MAPT: variants seen among roughly 807,000 people sequenced by gnomAD.
MAPT encodes the protein microtubule-associated protein tau.
In MAPT, 34 loss-of-function variants were observed where a neutral mutation model predicts 67.9. The observed-to-expected ratio is 0.50, with a 90% CI of 0.38 to 0.67. The LOEUF (loss-of-function observed/expected upper bound fraction) is 0.67. Ranked by LOEUF, MAPT falls within the 30% of genes least tolerant of loss-of-function variation. MAPT has a pLI of 0.00. For synonymous variants in MAPT, 456 were observed against 464.5 expected, an observed-to-expected ratio of 0.98 and a Z score of 0.23; for missense variants, 881 against 1,115.2, an observed-to-expected ratio of 0.79 and a Z score of 2.99.
rs1479030921 is a variant in MAPT at position 45,946,616 on chromosome 17, ATAT to A, written c.-17-15704_-17-15702del. On this transcript the variant is annotated intron_variant, in intron 1 of 12. Coordinates refer to ENST00000262410, the MANE Select transcript of MAPT (RefSeq NM_001377265.1). ...TCTGTCTTAAAAAAAAAAAAAAAAA[ATAT>A]ATATATATATATATATATATGTCAA... Among the ~76,000 whole-genome samples the A allele has an allele frequency of 9.0e-3, 780 of 86,956 alleles. 9 individuals carry two copies. Among genetic ancestry groups the A allele is most frequent in the East Asian group, 0.032 (137 of 4,226 alleles). The allele number at this position is 86,956 out of a possible 152,430, so 57.0% of individuals were successfully genotyped here.
intron 1 of MAPT, among the ~76,000 whole-genome samples, chr17:45,928,072 C>G (rs2066523327): frequency 6.6e-6 from 1 of 150,968 alleles, no homozygotes. Context: ...CAACATGTCC[C>G]TGTTACTGGA....
intron 12 of MAPT, 110 bp downstream of exon 12, chr17:46,018,840 T>C (rs2076348728): frequency 2.5e-6 from 2 of 806,470 alleles, no homozygotes; most frequent in Admixed American, 2.0e-5. Context: ...GAGGCTTCTG[T>C]GTTGACTGGC....
At position 45,990,187 on chromosome 17, in the gene MAPT, A is replaced by G. The variant is rs967973167; in HGVS notation, c.1605+112A>G. 33 of 953,710 alleles carry G rather than the reference A, an allele frequency of 3.5e-5. No individual in the cohort carries two copies. The Middle Eastern group carries it at 1.5e-3, about 44-fold the overall frequency. 59.1% of individuals were successfully genotyped at this position (953,710 alleles called of 1,614,324 possible). ...GACCTTTCTTCAAATGAGTTCTGGC[A>G]TAGAAGCACCGTGTAAAATAGTTAG... is the stretch of plus-strand genomic sequence containing the variant. On this transcript the variant is annotated intron_variant, in intron 7 of 12. Transcript: ENST00000262410.
At chr17:45,975,263 C>G (rs1333693003) in intron 3 of MAPT, 1 of 152,300 alleles carries the variant, frequency 6.6e-6, no homozygotes, top group Non-Finnish European at 1.5e-5. Flanking sequence ...GAGGCCTAGC[C>G]AGGATTTCAC....
intron 6 of MAPT, among the ~76,000 whole-genome samples, chr17:45,988,247 A>G (rs2073760689): frequency 6.6e-6 from 1 of 152,194 alleles, no homozygotes; most frequent in Non-Finnish European, 1.5e-5. Context: ...GGCCGCTTCC[A>G]TGGGGAATTG....
At chr17:45,941,189 G>T (rs893709403) in intron 1 of MAPT, among the ~76,000 whole-genome samples, 6 of 152,170 alleles carry the variant, frequency 3.9e-5, no homozygotes, top group Non-Finnish European at 7.4e-5. Flanking sequence ...TCTATTTTTA[G>T]ATTAGCAAAA....
Position 45,915,506 on chromosome 17 carries a change from A to G in MAPT, c.-18+20820A>G, listed in dbSNP as rs369189217. ...TGTGATATGTGTGTGGTGTGTGAGC[A>G]TGTGTGTGTGATGTGTCTGTGTGTG... On this transcript the variant is annotated intron_variant, in intron 1 of 12. Transcript: ENST00000262410. The surrounding 1 kb of genome is among the most constrained non-coding windows in gnomAD (Gnocchi z 4.4). Among the ~76,000 whole-genome samples, 271 of 141,290 alleles carry G rather than the reference A, an allele frequency of 1.9e-3. No individual in the cohort carries two copies. Among genetic ancestry groups the G allele is most frequent in the African/African-American group, 6.0e-3 (222 of 37,170 alleles). The allele number at this position is 141,290 out of a possible 152,430, so 92.7% of individuals were successfully genotyped here. A position where few individuals can be genotyped will look rare whatever the true frequency, so the allele number is the denominator to read the frequency against.
At chr17:46,013,632 C>T (rs982579962) in intron 10 of MAPT, among the ~76,000 whole-genome samples, 8 of 152,206 alleles carry the variant, frequency 5.3e-5, no homozygotes, top group Non-Finnish European at 8.8e-5. Context: ...TTCTCACGTC[C>T]GAGCTGCTGA....
chr17:46,017,302 C>T (rs1285680156), intron 11 of MAPT, among the ~76,000 whole-genome samples: 2 of 152,024 alleles, frequency 1.3e-5, no homozygotes, highest in Non-Finnish European at 2.9e-5. Context: ...AGAGAGGGAC[C>T]CTTCTTCTGT....
chr17:45,911,096 A>G (rs2064754936), intron 1 of MAPT, among the ~76,000 whole-genome samples: 1 of 152,260 alleles, frequency 6.6e-6, no homozygotes, highest in Non-Finnish European at 1.5e-5. Context: ...ATCAAATGGA[A>G]TCATGCTGCC....
chr17:45,980,088 C>T (rs895464291), intron 4 of MAPT: 7 of 152,224 alleles, frequency 4.6e-5, no homozygotes, highest in African/African-American at 1.7e-4. Context: ...GGGGGCTTAA[C>T]TTACCTGGAC....
intron 1 of MAPT, among the ~76,000 whole-genome samples, chr17:45,952,913 G>A (rs188685239): frequency 6.6e-6 from 1 of 152,318 alleles, no homozygotes; most frequent in African/African-American, 2.4e-5. Context: ...GTGAGGGGCA[G>A]CGGAGCATCA....
intron 1 of MAPT, among the ~76,000 whole-genome samples, chr17:45,927,435 A>T (rs1024456667): frequency 6.6e-6 from 1 of 152,022 alleles, no homozygotes; most frequent in African/African-American, 2.4e-5. Flanking sequence ...GCATGGTTCT[A>T]TTCACGGCCA....
chr17:45,942,305 C>T (rs541935895), intron 1 of MAPT, among the ~76,000 whole-genome samples: 3 of 152,318 alleles, frequency 2.0e-5, no homozygotes, highest in Non-Finnish European at 2.9e-5. Context: ...CTAGAGTGTA[C>T]GTTTCTTCTT....
intron 1 of MAPT, among the ~76,000 whole-genome samples, chr17:45,949,494 T>C (rs1356279686): frequency 6.6e-6 from 1 of 152,206 alleles, no homozygotes; most frequent in Non-Finnish European, 1.5e-5. Flanking sequence ...AGCATAGAGA[T>C]GGGTTTTAGC....
chr17:46,024,127 C>T lies in MAPT; in HGVS notation c.2458C>T (p.Leu820=), dbSNP rs1436760038. 3 of 1,614,160 alleles carry T rather than the reference C, an allele frequency of 1.9e-6. No individual in the cohort carries two copies. The highest frequency in any genetic ancestry group is 3.3e-5 in the Admixed American group (2 of 60,032). The stretch of plus-strand genomic sequence containing the variant: ...GGTAGACTCGCCCCAGCTCGCCACG[C>T]TAGCTGACGAGGTGTCTGCCTCCCT... ...DMVDSPQLAT[L]ADEVSASLAK... The change falls in exon 13 of 13, where the codon CTA becomes TTA. Residue 820 remains leucine (L), a synonymous_variant. Coordinates refer to ENST00000262410, the MANE Select transcript of MAPT (RefSeq NM_001377265.1).
chr17:45,903,872 T>A (rs574075136), intron 1 of MAPT, among the ~76,000 whole-genome samples: 2 of 54,542 alleles, frequency 3.7e-5, no homozygotes, highest in African/African-American at 1.4e-4. Context: ...TATTATATAT[T>A]ATATATTTAT....
At chr17:45,918,911 A>AAC (rs932452198) in intron 1 of MAPT, among the ~76,000 whole-genome samples, 1 of 151,816 alleles carries the variant, frequency 6.6e-6, no homozygotes, top group Non-Finnish European at 1.5e-5. Flanking sequence ...AAAATACAAA[A>AAC]ATTAGCTGGC....
At chr17:45,935,915 G>T (rs73984643) in intron 1 of MAPT, among the ~76,000 whole-genome samples, 5,374 of 152,242 alleles carry the variant, frequency 0.035, 337 homozygotes, top group African/African-American at 0.12. Flanking sequence ...ACTTAGCTAA[G>T]AGAATCACAG....
Sources: gnomAD v4.1 joint callset for allele counts (sites outside exome capture counted in the v4.1 genomes callset) on GRCh38, gnomAD v4.1.1 for gene constraint, Gnocchi (gnomAD v3.1) non-coding constraint, MANE v1.5 for transcripts, NCBI Gene and HGNC (gene_info 2026-07-23, HGNC 2026-07-21) for gene names.